Variants in NAP1L4 observed in about 807,000 individuals in gnomAD.
The protein encoded by NAP1L4 is nucleosome assembly protein 1 like 4, also known as nucleosome assembly protein 1-like 4.
Under a neutral mutation model 58.2 loss-of-function variants are expected in NAP1L4, and 15 were observed. The ratio of observed to expected loss-of-function variants is 0.26; its 90% confidence interval spans 0.17 to 0.40. The LOEUF is 0.40. Ranked by LOEUF, NAP1L4 falls within the 10% of genes least tolerant of loss-of-function variation. The pLI, the probability that NAP1L4 is intolerant of heterozygous loss-of-function variation, is 1.00. For missense variants in NAP1L4, 384 were observed against 451.1 expected, an observed-to-expected ratio of 0.85 and a Z score of 1.35; for synonymous variants, 171 against 155.6, an observed-to-expected ratio of 1.10 and a Z score of -0.74.
intron 3 of NAP1L4, 128 bp downstream of exon 3, chr11:2,978,156 A>AT: frequency 1.2e-6 from 1 of 824,252 alleles, no homozygotes; most frequent in East Asian, 2.8e-5. Context: ...CTGATTTTTC[A>AT]TTTTAATTAC....
chr11:2,948,153 A>G lies in NAP1L4; in HGVS notation c.*32+1074T>C, dbSNP rs549451535. Among the ~76,000 whole-genome samples, 2 of 152,328 alleles carry G rather than the reference A, an allele frequency of 1.3e-5. No homozygotes were observed. The highest frequency in any genetic ancestry group is 4.1e-4 in the South Asian group (2 of 4,822). On this transcript the variant is annotated intron_variant, in intron 15 of 15. Coordinates refer to ENST00000380542, the MANE Select transcript of NAP1L4 (RefSeq NM_005969.4). The surrounding 1 kb of genome is among the most constrained non-coding windows in gnomAD (Gnocchi z 5.1). ...ACAGGAATTAATGGCAGCTAGACAT[A>G]ATTTTAAACATACAGCCATATTCTG... is the stretch of plus-strand genomic sequence containing the variant.
chr11:2,978,474 C>T, intron 2 of NAP1L4, 132 bp from the exon 3 acceptor site: 1 of 723,682 alleles, frequency 1.4e-6, no homozygotes, highest in Non-Finnish European at 2.3e-6. Flanking sequence ...CAGAAGAAAA[C>T]TACCAATGTG....
At chr11:2,975,220 A>C (rs1590255702) in intron 4 of NAP1L4, among the ~76,000 whole-genome samples, 1 of 151,878 alleles carries the variant, frequency 6.6e-6, no homozygotes, top group East Asian at 1.9e-4. Context: ...CTGGAGGCTG[A>C]GGTAGAAGGA....
intron 12 of NAP1L4, chr11:2,952,712 A>T (rs528768595): frequency 4.6e-5 from 7 of 152,352 alleles, no homozygotes; most frequent in Non-Finnish European, 8.8e-5. Flanking sequence ...GCTTCTCAAT[A>T]TTCTTCCATT....
chr11:2,985,796 G>C (rs961654130), intron 1 of NAP1L4, among the ~76,000 whole-genome samples: 10 of 152,180 alleles, frequency 6.6e-5, no homozygotes, highest in Admixed American at 5.2e-4. Context: ...TCCCTCCCAA[G>C]GTCAAAAACT....
At chr11:2,974,255 TG>T in intron 4 of NAP1L4, among the ~76,000 whole-genome samples, 1 of 152,342 alleles carries the variant, frequency 6.6e-6, no homozygotes, top group South Asian at 2.1e-4. Context: ...AGACAAAGGA[TG>T]TTAAACAAAC....
rs557476006 is a variant in NAP1L4, at chr11:2,954,377, A to C, written c.1035+150T>G. The C allele has an allele frequency of 4.4e-5, 51 of 1,150,210 alleles. No individual in the cohort carries two copies. The South Asian group carries it at 5.6e-4, about 13-fold the overall frequency. The allele number at this position is 1,150,210 out of a possible 1,614,324, so 71.3% of individuals were successfully genotyped here. A position where few individuals can be genotyped will look rare whatever the true frequency, so the allele number is the denominator to read the frequency against. ...TCTCCTCTTCAAGCGTATTCCCCCC[A>C]CAACAAGGACAGCAGCTTGGACTAC... On this transcript the variant is annotated intron_variant, in intron 12 of 15. Transcript: ENST00000380542. The surrounding 1 kb of genome is among the most constrained non-coding windows in gnomAD (Gnocchi z 4.8).
rs781118403 is a variant in NAP1L4, at chr11:2,954,384, G to A, written c.1035+143C>T. The A allele has an allele frequency of 2.5e-6, 3 of 1,199,848 alleles. No individual in the cohort carries two copies. The highest frequency in any genetic ancestry group is 1.5e-5 in the African/African-American group (1 of 66,328). 74.3% of individuals were successfully genotyped at this position (1,199,848 alleles called of 1,614,324 possible). ...TTCAAGCGTATTCCCCCCACAACAAGGACAGCAGCTTGGACTACATATCTG... is the reference window on the plus strand; with the variant it reads ...TTCAAGCGTATTCCCCCCACAACAAAGACAGCAGCTTGGACTACATATCTG... On this transcript the variant is annotated intron_variant, in intron 12 of 15. Coordinates refer to ENST00000380542, the MANE Select transcript of NAP1L4 (RefSeq NM_005969.4). This position sits in a 1 kb window ranked among gnomAD's most constrained non-coding sequence, Gnocchi z 4.8.
chr11:2,986,752 G>C (rs1358087302), intron 1 of NAP1L4, among the ~76,000 whole-genome samples: 1 of 151,374 alleles, frequency 6.6e-6, no homozygotes. Flanking sequence ...CAAGTAGCTG[G>C]AGTTACAGGT....
intron 3 of NAP1L4, among the ~76,000 whole-genome samples, chr11:2,977,779 G>A (rs1830573842): frequency 6.6e-6 from 1 of 151,212 alleles, no homozygotes; most frequent in South Asian, 2.1e-4. Flanking sequence ...TTTTAATGGT[G>A]GAAAAATATC....
intron 7 of NAP1L4, among the ~76,000 whole-genome samples, chr11:2,968,974 TTTG>T (rs1251161823): frequency 1.3e-5 from 2 of 150,966 alleles, no homozygotes; most frequent in Non-Finnish European, 2.9e-5. Context: ...GTGGTTGGGT[TTTG>T]TTGTTGTGTT....
At chr11:2,973,016 G>A (rs577447413) in intron 4 of NAP1L4, among the ~76,000 whole-genome samples, 1 of 152,288 alleles carries the variant, frequency 6.6e-6, no homozygotes, top group African/African-American at 2.4e-5. Flanking sequence ...TATTTATGCT[G>A]GAGTGTCCGT....
intron 1 of NAP1L4, chr11:2,990,914 A>C (rs572063527): frequency 8.9e-4 from 305 of 343,644 alleles, no homozygotes; most frequent in Non-Finnish European, 1.4e-3. Flanking sequence ...CTTACCTTTA[A>C]GGTCCAACAA....
intron 4 of NAP1L4, among the ~76,000 whole-genome samples, chr11:2,972,915 G>C (rs900318810): frequency 6.6e-6 from 1 of 152,118 alleles, no homozygotes; most frequent in African/African-American, 2.4e-5. Flanking sequence ...AGGCAGCAGG[G>C]AGCTATGATT....
intron 9 of NAP1L4, 25 bp from the exon 10 acceptor site, chr11:2,958,569 G>A: frequency 6.2e-7 from 1 of 1,603,158 alleles, no homozygotes; most frequent in Non-Finnish European, 8.5e-7. Flanking sequence ...CAGCTGTCAG[G>A]AACACACAAT....
At chr11:2,970,035 C>CAA (rs1325545395) in intron 6 of NAP1L4, 101 bp from the exon 7 acceptor site, 1 of 1,250,834 alleles carries the variant, frequency 8.0e-7, no homozygotes, top group African/African-American at 1.5e-5. Context: ...TATCTCCCAT[C>CAA]AAACACCTTG....
At chr11:2,983,224 G>A (rs1367385306) in intron 1 of NAP1L4, among the ~76,000 whole-genome samples, 1 of 152,136 alleles carries the variant, frequency 6.6e-6, no homozygotes, top group East Asian at 1.9e-4. Context: ...ATAAATATCT[G>A]TTGAAAGCAT....
At chr11:2,953,999 T>C (rs1476137776) in intron 12 of NAP1L4, among the ~76,000 whole-genome samples, 2 of 152,250 alleles carry the variant, frequency 1.3e-5, no homozygotes, top group African/African-American at 4.8e-5. Flanking sequence ...AAGTTCTGAC[T>C]GTGGAAGAGC....
chr11:2,962,037 T>G (rs1256512382), intron 8 of NAP1L4, among the ~76,000 whole-genome samples: 1 of 152,180 alleles, frequency 6.6e-6, no homozygotes, highest in Non-Finnish European at 1.5e-5. Context: ...CTAACCATGC[T>G]CAATCTTACA....
Sources: gnomAD v4.1 joint callset for allele counts (sites outside exome capture counted in the v4.1 genomes callset) on GRCh38, gnomAD v4.1.1 for gene constraint, Gnocchi (gnomAD v3.1) non-coding constraint, MANE v1.5 for transcripts, NCBI Gene and HGNC (gene_info 2026-07-23, HGNC 2026-07-21) for gene names.